SCAPER: variants seen among roughly 807,000 people sequenced by gnomAD.
SCAPER encodes the protein S phase cyclin A-associated protein in the endoplasmic reticulum.
In SCAPER, 98 loss-of-function variants were observed where a neutral mutation model predicts 182.2. The ratio of observed to expected loss-of-function variants is 0.54; its 90% CI spans 0.46 to 0.64. The LOEUF is 0.64. SCAPER is among the 30% of genes least tolerant of loss of function. The pLI, the probability that SCAPER is intolerant of heterozygous loss-of-function variation, is 0.00. For synonymous variants in SCAPER, 605 were observed against 564.6 expected (o/e 1.07, Z -1.01); for missense variants, 1,432 against 1,690.0 (o/e 0.85, Z 2.68).
intron 23 of SCAPER, among the ~76,000 whole-genome samples, chr15:76,573,949 A>G (rs1014586545): frequency 1.3e-5 from 2 of 152,104 alleles, no homozygotes; most frequent in African/African-American, 4.8e-5. Context: ...TGACCTAAAG[A>G]GGACTTCAAT....
chr15:76,501,783 C>T (rs773962471), intron 24 of SCAPER, among the ~76,000 whole-genome samples: 5 of 152,218 alleles, frequency 3.3e-5, no homozygotes, highest in Non-Finnish European at 7.3e-5. Context: ...TCTGGACAGG[C>T]TGAGAACAAA....
At chr15:76,899,574 C>T (rs998314842) in intron 1 of SCAPER, among the ~76,000 whole-genome samples, 7 of 152,226 alleles carry the variant, frequency 4.6e-5, no homozygotes, top group South Asian at 2.1e-4. Flanking sequence ...AGCCTCTGCC[C>T]GCCCGCCACC....
intron 23 of SCAPER, among the ~76,000 whole-genome samples, chr15:76,537,554 T>C (rs1026250922): frequency 1.3e-5 from 2 of 152,116 alleles, no homozygotes; most frequent in Admixed American, 6.5e-5. Flanking sequence ...TTACACCTTA[T>C]ACAAAAATTA....
chr15:76,830,238 T>C (rs1425766397), intron 5 of SCAPER, among the ~76,000 whole-genome samples: 2 of 152,070 alleles, frequency 1.3e-5, no homozygotes, highest in Non-Finnish European at 2.9e-5. Context: ...AAAAGTGGTG[T>C]GAAATGAAGA....
rs1458213627 is a variant in SCAPER at position 76,507,941 on chromosome 15, A to C, written c.2839-2967T>G. 3.5e-4 allele frequency among the ~76,000 whole-genome samples: 54 copies of C among 152,214 alleles called. 1 individual carries two copies. The highest frequency in any genetic ancestry group is 1.5e-5 in the Non-Finnish European group (1 of 68,048). On this transcript the variant is annotated intron_variant, in intron 23 of 31. Transcript: ENST00000563290. ...AATAAGCTCTGTATTATCATATAAT[A>C]TACACAAAGAAAAGTGCACTAATCG...
chr15:76,418,207 T>C (rs1439884307), intron 26 of SCAPER, among the ~76,000 whole-genome samples: 1 of 152,168 alleles, frequency 6.6e-6, no homozygotes, highest in African/African-American at 2.4e-5. Context: ...GCAAAATCCC[T>C]GTGGAACATT....
intron 30 of SCAPER, among the ~76,000 whole-genome samples, chr15:76,351,880 C>G (rs2040575408): frequency 6.6e-6 from 1 of 152,120 alleles, no homozygotes; most frequent in South Asian, 2.1e-4. Context: ...CTCTACAAGT[C>G]TAATATGCTA....
At chr15:76,817,393 T>G (rs1157184708) in intron 5 of SCAPER, among the ~76,000 whole-genome samples, 1 of 152,014 alleles carries the variant, frequency 6.6e-6, no homozygotes, top group Admixed American at 6.6e-5. Flanking sequence ...AAAGGGACAA[T>G]CAGTGGTTGG....
chr15:76,419,547 C>G (rs141960482), intron 26 of SCAPER, among the ~76,000 whole-genome samples: 2,356 of 151,758 alleles, frequency 0.016, 62 homozygotes, highest in African/African-American at 0.055. Context: ...ATGGAGACAC[C>G]CTGTCTCTAC....
At chr15:76,770,096 T>C (rs1189202545) in intron 10 of SCAPER, among the ~76,000 whole-genome samples, 1 of 149,792 alleles carries the variant, frequency 6.7e-6, no homozygotes, top group Admixed American at 6.8e-5. Flanking sequence ...AAGCAAACTA[T>C]CACAAGGACA....
chr15:76,364,288 C>A (rs1448839143), intron 29 of SCAPER, among the ~76,000 whole-genome samples: 2 of 152,100 alleles, frequency 1.3e-5, no homozygotes, highest in African/African-American at 2.4e-5. Flanking sequence ...TAAGCACTAG[C>A]CTTCTTCCCG....
intron 24 of SCAPER, among the ~76,000 whole-genome samples, chr15:76,489,021 C>T (rs2051998892): frequency 6.6e-6 from 1 of 150,872 alleles, no homozygotes; most frequent in Admixed American, 6.6e-5. Context: ...CTGCGCCCAG[C>T]CATCTTGCCT....
intron 23 of SCAPER, among the ~76,000 whole-genome samples, chr15:76,566,978 T>C (rs911445925): frequency 6.6e-6 from 1 of 152,070 alleles, no homozygotes; most frequent in Non-Finnish European, 1.5e-5. Flanking sequence ...GCCACCTATA[T>C]GACTCTTTCT....
chr15:76,490,590 A>C (rs1351742873), intron 24 of SCAPER, among the ~76,000 whole-genome samples: 26 of 151,948 alleles, frequency 1.7e-4, no homozygotes, highest in Non-Finnish European at 1.5e-5. Context: ...CATTCTGTAG[A>C]TTGCCTTTTC....
chr15:76,753,838 A>G lies in SCAPER; in HGVS notation c.1836T>C (p.Ile612=). 1 of 1,612,782 alleles carries G rather than the reference A, an allele frequency of 6.2e-7. No individual in the cohort carries two copies. Among genetic ancestry groups the G allele is most frequent in the Non-Finnish European group, 8.5e-7 (1 of 1,179,138 alleles). The change falls in exon 15 of 32, where the codon ATT becomes ATC. Residue 612 remains isoleucine, a synonymous_variant. Coordinates refer to ENST00000563290, the MANE Select transcript of SCAPER (RefSeq NM_020843.4). The part of the protein sequence containing the change: ...EFKREVQLQA[I]VKKAQEEEAK... ...CTTCTTCTTCTTGTGCTTTTTTCAC[A>G]ATTGCTTGTAACTGCACTTCTCGCT... is the stretch of plus-strand genomic sequence containing the variant.
chr15:76,652,371 CAT>C (rs56164668), intron 21 of SCAPER, among the ~76,000 whole-genome samples: 480 of 8,010 alleles, frequency 0.06, 19 homozygotes, highest in Non-Finnish European at 0.075. Flanking sequence ...CACACACACA[CAT>C]ATATATATAT....
chr15:76,710,339 G>A (rs1259428861), intron 17 of SCAPER, among the ~76,000 whole-genome samples: 2 of 151,932 alleles, frequency 1.3e-5, no homozygotes, highest in Admixed American at 6.6e-5. Context: ...ACTTATAATC[G>A]TTCAACTTAT....
chr15:76,390,191 A>C (rs1400772760), intron 27 of SCAPER, among the ~76,000 whole-genome samples: 1 of 152,174 alleles, frequency 6.6e-6, no homozygotes, highest in Non-Finnish European at 1.5e-5. Context: ...CCTAGCCTCA[A>C]GTGATCCTCC....
At chr15:76,583,483 A>C (rs2048415161) in intron 22 of SCAPER, among the ~76,000 whole-genome samples, 1 of 152,220 alleles carries the variant, frequency 6.6e-6, no homozygotes, top group Non-Finnish European at 1.5e-5. Context: ...GTGAAGAAAC[A>C]ACCCACAGAA....
Sources: gnomAD v4.1 joint callset for allele counts (sites outside exome capture counted in the v4.1 genomes callset) on GRCh38, gnomAD v4.1.1 for gene constraint, MANE v1.5 for transcripts, NCBI Gene and HGNC (gene_info 2026-07-23, HGNC 2026-07-21) for gene names.